FAM178B: variants seen among roughly 807,000 people sequenced by gnomAD.
FAM178B encodes the protein protein FAM178B.
A neutral mutation model predicts 91.7 loss-of-function variants in FAM178B; 82 were observed. The observed-to-expected ratio is 0.89, with a 90% confidence interval of 0.75 to 1.07. FAM178B has a LOEUF of 1.07. Ranked by LOEUF, FAM178B falls within the 50% of genes least tolerant of loss-of-function variation. The pLI is 0.00. For synonymous variants in FAM178B, 368 were observed against 359.4 expected (o/e 1.02, Z -0.27); for missense variants, 769 against 846.7 (o/e 0.91, Z 1.14).
At chr2:96,880,696 G>A (rs1051328993) in intron 14 of FAM178B, among the ~76,000 whole-genome samples, 3 of 152,176 alleles carry the variant, frequency 2.0e-5, no homozygotes, top group Non-Finnish European at 2.9e-5. Flanking sequence ...CCGGGCTCAC[G>A]CCGTTGTCCT....
intron 12 of FAM178B, among the ~76,000 whole-genome samples, chr2:96,915,952 T>C (rs2081234506): frequency 1.3e-5 from 2 of 152,224 alleles, no homozygotes; most frequent in Admixed American, 1.3e-4. Context: ...CTTCAAAGCC[T>C]TTTTTCCACT....
At chr2:96,985,665 T>C (rs2082413754) in intron 1 of FAM178B, among the ~76,000 whole-genome samples, 1 of 152,252 alleles carries the variant, frequency 6.6e-6, no homozygotes, top group African/African-American at 2.4e-5. Context: ...GTGCTGTTTC[T>C]GCGAATACTG....
chr2:96,911,028 A>G (rs1395288350), intron 12 of FAM178B, among the ~76,000 whole-genome samples: 1 of 152,130 alleles, frequency 6.6e-6, no homozygotes, highest in Admixed American at 6.5e-5. Context: ...TCAGCCTCCC[A>G]AAGTGCTGGG....
At chr2:96,899,557 T>G (rs1454624185) in intron 13 of FAM178B, among the ~76,000 whole-genome samples, 1 of 150,904 alleles carries the variant, frequency 6.6e-6, no homozygotes, top group African/African-American at 2.4e-5. Flanking sequence ...CGCCACTCCA[T>G]GTACTTTAAA....
intron 8 of FAM178B, among the ~76,000 whole-genome samples, chr2:96,941,563 C>G (rs2081731315): frequency 1.3e-5 from 2 of 152,222 alleles, no homozygotes; most frequent in African/African-American, 4.8e-5. Context: ...TGAGGAAGAA[C>G]AAAGTGTCCT....
chr2:96,957,625 A>C (rs1160489731), intron 6 of FAM178B, among the ~76,000 whole-genome samples: 1 of 152,226 alleles, frequency 6.6e-6, no homozygotes, highest in Non-Finnish European at 1.5e-5. Context: ...ACTCTAGGAC[A>C]GAAAACCTGC....
chr2:96,899,171 A>G (rs749723373), intron 13 of FAM178B, among the ~76,000 whole-genome samples: 16 of 152,188 alleles, frequency 1.1e-4, no homozygotes, highest in Non-Finnish European at 1.6e-4. Context: ...AGTCCTTCCT[A>G]TCCCTCCAGT....
intron 5 of FAM178B, among the ~76,000 whole-genome samples, chr2:96,966,298 C>T (rs1473786984): frequency 6.6e-6 from 1 of 152,010 alleles, no homozygotes; most frequent in African/African-American, 2.4e-5. Flanking sequence ...TTCCCAGAGC[C>T]CACATCCCTT....
rs117696437 is a variant in FAM178B, at chr2:96,945,440, G to A, written c.1078+2378C>T. Among the ~76,000 whole-genome samples, 436 of 152,248 alleles carry A rather than the reference G, an allele frequency of 2.9e-3. 19 individuals are homozygous for A. In the East Asian group the frequency reaches 0.051, roughly 18 times the overall value. ...CGTAAGAATCTCCCTAGGATAGTCT[G>A]GGAAGAACTGCTGGTCACCACAAAC... is the stretch of plus-strand genomic sequence containing the variant. On this transcript the variant is annotated intron_variant, in intron 8 of 16. Coordinates refer to ENST00000490605, the MANE Select transcript of FAM178B (RefSeq NM_001122646.3).
At chr2:96,982,225 A>AAT (rs1466542748) in intron 1 of FAM178B, among the ~76,000 whole-genome samples, 1 of 152,026 alleles carries the variant, frequency 6.6e-6, no homozygotes, top group African/African-American at 2.4e-5. Flanking sequence ...ACAGTACATA[A>AAT]ATATATATAT....
intron 12 of FAM178B, among the ~76,000 whole-genome samples, chr2:96,906,857 G>A (rs1452187858): frequency 6.6e-6 from 1 of 152,240 alleles, no homozygotes; most frequent in African/African-American, 2.4e-5. Context: ...GCTCCACAGT[G>A]AACTCAAAGC....
Position 96,876,155 on chromosome 2 carries a change from C to A in FAM178B, c.*121G>T. 1 of 1,034,960 alleles carries A rather than the reference C, an allele frequency of 9.7e-7. No homozygotes were observed. The highest frequency in any genetic ancestry group is 1.4e-6 in the Non-Finnish European group (1 of 696,932). The allele number at this position is 1,034,960 out of a possible 1,614,324, so 64.1% of individuals were successfully genotyped here. On this transcript the variant is annotated 3_prime_UTR_variant, in exon 17 of 17. Transcript: ENST00000490605. ...GGGCGGTGGCAGGGGCAGGCTCTTG[C>A]CTCATCAGGCTGGTCAGCATGTGGC...
intron 1 of FAM178B, among the ~76,000 whole-genome samples, chr2:96,982,844 T>A (rs1247283715): frequency 6.7e-6 from 1 of 149,014 alleles, no homozygotes. Flanking sequence ...CTTCCCAAAG[T>A]GCTGGGATTA....
intron 14 of FAM178B, among the ~76,000 whole-genome samples, chr2:96,886,532 C>T (rs921420438): frequency 2.6e-5 from 4 of 152,152 alleles, no homozygotes; most frequent in Admixed American, 1.3e-4. Flanking sequence ...GGCCAGAGCC[C>T]GGAGGAGGAG....
At chr2:96,884,716 A>G (rs1360120584) in intron 14 of FAM178B, among the ~76,000 whole-genome samples, 1 of 152,176 alleles carries the variant, frequency 6.6e-6, no homozygotes, top group African/African-American at 2.4e-5. Context: ...CTGCCCCATG[A>G]GCAAACCGCA....
At chr2:96,967,969 A>G (rs957268153) in intron 4 of FAM178B, among the ~76,000 whole-genome samples, 1 of 121,990 alleles carries the variant, frequency 8.2e-6, no homozygotes, top group African/African-American at 3.0e-5. Context: ...TGCCTAGGCC[A>G]GAGTGCAGTG....
intron 12 of FAM178B, among the ~76,000 whole-genome samples, chr2:96,917,546 T>C (rs1446217873): frequency 6.6e-6 from 1 of 152,122 alleles, no homozygotes; most frequent in Non-Finnish European, 1.5e-5. Context: ...AAATCTGTCT[T>C]GAAAGGATGA....
Position 96,972,244 on chromosome 2 carries a change from C to T in FAM178B, c.221G>A (p.Gly74Glu). Residue 74 changes from glycine to glutamate, a missense_variant, in exon 3 of 17, where the codon GGG becomes GAG. Transcript: ENST00000490605. Reference protein sequence around the residue: ...DGLSDHPLDQGPRCPARRPCS... With the variant: ...DGLSDHPLDQEPRCPARRPCS... Reference sequence around the variant, plus strand: ...GGGCCGCCGGGCAGGGCAGCGGGGCCCCTGGTCCAGGGGATGGTCTGACAA... The same window carrying T: ...GGGCCGCCGGGCAGGGCAGCGGGGCTCCTGGTCCAGGGGATGGTCTGACAA... 4 of 1,519,750 alleles carry T rather than the reference C, an allele frequency of 2.6e-6. No homozygotes were observed. Among genetic ancestry groups the T allele is most frequent in the African/African-American group, 1.4e-5 (1 of 71,876 alleles). 94.1% of individuals were successfully genotyped at this position (1,519,750 alleles called of 1,614,324 possible).
Position 96,905,822 on chromosome 2 carries a change from A to ATG in FAM178B, c.1563-3116_1563-3115insCA, listed in dbSNP as rs1559063848. On this transcript the variant is annotated intron_variant, in intron 12 of 16. Transcript: ENST00000490605. ...CAAAAATATACATATATGTGTGTAT[A>ATG]TATATATATATATATATATATATAT... is the stretch of plus-strand genomic sequence containing the variant. Among the ~76,000 whole-genome samples the ATG allele has an allele frequency of 1.7e-3, 30 of 17,644 alleles. 1 individual carries two copies. Among genetic ancestry groups the ATG allele is most frequent in the African/African-American group, 4.7e-3 (30 of 6,426 alleles). The allele number at this position is 17,644 out of a possible 152,430, so 11.6% of individuals were successfully genotyped here.
Sources: gnomAD v4.1 joint callset for allele counts (sites outside exome capture counted in the v4.1 genomes callset) on GRCh38, gnomAD v4.1.1 for gene constraint, MANE v1.5 for transcripts, NCBI Gene and HGNC (gene_info 2026-07-23, HGNC 2026-07-21) for gene names.